The following CPPED1 variants were observed in gnomAD, a reference collection of about 807,000 sequenced individuals.
CPPED1 encodes serine/threonine-protein phosphatase CPPED1.
A neutral mutation model predicts 28.0 loss-of-function variants in CPPED1; 28 were observed. The observed-to-expected ratio is 1.00, with a 90% CI of 0.74 to 1.37. The LOEUF is 1.37. Ranked by LOEUF, CPPED1 falls within the 40% of genes most tolerant of loss-of-function variation. The probability of loss-of-function intolerance (pLI) is 0.00; values close to 1 mark genes in which losing one functional copy is unlikely to be tolerated. For missense variants in CPPED1, 504 were observed against 416.5 expected (o/e 1.21, Z -1.83); for synonymous variants, 198 against 180.2 (o/e 1.10, Z -0.79).
chr16:12,756,280 C>T (rs1222422755), intron 2 of CPPED1, among the ~76,000 whole-genome samples: 1 of 152,214 alleles, frequency 6.6e-6, no homozygotes, highest in Non-Finnish European at 1.5e-5. Context: ...AAATAAGAGT[C>T]TCAAACTGAA....
intron 2 of CPPED1, among the ~76,000 whole-genome samples, chr16:12,775,993 A>C (rs2080495328): frequency 6.6e-6 from 1 of 152,220 alleles, no homozygotes; most frequent in African/African-American, 2.4e-5. Context: ...AACTCCTGGA[A>C]CTTACAAATA....
At chr16:12,751,853 G>A (rs2080331600) in intron 2 of CPPED1, among the ~76,000 whole-genome samples, 1 of 152,108 alleles carries the variant, frequency 6.6e-6, no homozygotes, top group Admixed American at 6.6e-5. Context: ...CTAAGATGCT[G>A]AAACATTTAA....
At chr16:12,774,253 T>A (rs2080485120) in intron 2 of CPPED1, among the ~76,000 whole-genome samples, 1 of 152,040 alleles carries the variant, frequency 6.6e-6, no homozygotes, top group Admixed American at 6.6e-5. Context: ...GGCAATCACT[T>A]GAGGTCAGGA....
At chr16:12,674,927 C>T (rs1374006462) in intron 3 of CPPED1, among the ~76,000 whole-genome samples, 2 of 152,228 alleles carry the variant, frequency 1.3e-5, no homozygotes, top group East Asian at 3.9e-4. Context: ...CATCGCCCCA[C>T]CCAGGAGGCT....
At chr16:12,726,080 C>T (rs1412724988) in intron 2 of CPPED1, among the ~76,000 whole-genome samples, 2 of 152,012 alleles carry the variant, frequency 1.3e-5, no homozygotes, top group Admixed American at 1.3e-4. Context: ...CTCACTCTGT[C>T]GCCCAAGCTG....
intron 1 of CPPED1, among the ~76,000 whole-genome samples, chr16:12,794,445 G>T (rs1457187731): frequency 2.1e-5 from 3 of 145,630 alleles, no homozygotes; most frequent in African/African-American, 7.8e-5. Flanking sequence ...TGTCCTTCAG[G>T]ACCCTGTCCC....
At chr16:12,798,199 T>C (rs1047536248) in intron 1 of CPPED1, among the ~76,000 whole-genome samples, 3 of 152,228 alleles carry the variant, frequency 2.0e-5, no homozygotes, top group African/African-American at 4.8e-5. Flanking sequence ...TTTTTACATA[T>C]GTGTGCTGGT....
chr16:12,784,555 G>GAAAAA (rs11321564), intron 1 of CPPED1, among the ~76,000 whole-genome samples: 2 of 146,920 alleles, frequency 1.4e-5, no homozygotes, highest in Non-Finnish European at 1.5e-5. Flanking sequence ...ATTTTGTCAT[G>GAAAAA]AAAAAAAAAA....
At chr16:12,793,708 T>C (rs2080610061) in intron 1 of CPPED1, among the ~76,000 whole-genome samples, 1 of 152,202 alleles carries the variant, frequency 6.6e-6, no homozygotes, top group African/African-American at 2.4e-5. Context: ...ACCCTTATCT[T>C]AGCAGAGACA....
At position 12,709,668 on chromosome 16, in the gene CPPED1, C is replaced by G. The variant is rs116983625; in HGVS notation, c.290-4619G>C. 6.8e-3 allele frequency among the ~76,000 whole-genome samples: 1,030 copies of G among 152,234 alleles called. 16 individuals carry two copies. Among genetic ancestry groups the G allele is most frequent in the East Asian group, 0.057 (296 of 5,172 alleles). On this transcript the variant is annotated intron_variant, in intron 2 of 3. Transcript: ENST00000381774. This position sits in a 1 kb window ranked among gnomAD's most constrained non-coding sequence, Gnocchi z 4.4. ...CTTAAAATACATTGTCTAATAAAAT[C>G]TCTTTGTGAGTTAGGAAGAGAAATA...
intron 2 of CPPED1, among the ~76,000 whole-genome samples, chr16:12,721,856 T>A (rs1002836490): frequency 6.6e-6 from 1 of 152,188 alleles, no homozygotes; most frequent in African/African-American, 2.4e-5. Context: ...AAATAATTTT[T>A]AAAAACCAAC....
At chr16:12,686,438 C>T (rs952921276) in intron 3 of CPPED1, among the ~76,000 whole-genome samples, 1 of 152,156 alleles carries the variant, frequency 6.6e-6, no homozygotes, top group South Asian at 2.1e-4. Context: ...AGTTCCCCTG[C>T]TGTCCAAGAG....
intron 2 of CPPED1, among the ~76,000 whole-genome samples, chr16:12,773,517 G>C (rs900493556): frequency 2.0e-5 from 3 of 152,146 alleles, no homozygotes; most frequent in African/African-American, 4.8e-5. Flanking sequence ...CCAGCCAGGA[G>C]TTCAAGACCA....
chr16:12,770,654 C>G (rs983083640), intron 2 of CPPED1, among the ~76,000 whole-genome samples: 1 of 152,084 alleles, frequency 6.6e-6, no homozygotes, highest in Non-Finnish European at 1.5e-5. Flanking sequence ...AAAACTCTCT[C>G]TACTAAAAAT....
chr16:12,716,791 G>A (rs2141194890), intron 2 of CPPED1, among the ~76,000 whole-genome samples: 1 of 152,324 alleles, frequency 6.6e-6, no homozygotes, highest in South Asian at 2.1e-4. Context: ...TGTGTGCTAG[G>A]TAACAGCATG....
chr16:12,784,985 T>C (rs367623251), intron 1 of CPPED1, among the ~76,000 whole-genome samples: 1 of 152,212 alleles, frequency 6.6e-6, no homozygotes, highest in Admixed American at 6.5e-5. Flanking sequence ...ACAGCTCACA[T>C]ATCAGTATTC....
intron 2 of CPPED1, among the ~76,000 whole-genome samples, chr16:12,711,206 T>C (rs1255544834): frequency 6.6e-6 from 1 of 152,210 alleles, no homozygotes; most frequent in Non-Finnish European, 1.5e-5. Flanking sequence ...ACCTTTAGGA[T>C]ATATGCTAAG....
intron 2 of CPPED1, among the ~76,000 whole-genome samples, chr16:12,778,954 C>G (rs2080513739): frequency 6.6e-6 from 1 of 152,172 alleles, no homozygotes; most frequent in African/African-American, 2.4e-5. Context: ...TCTTGACCAA[C>G]TGGCGGGGCT....
chr16:12,683,504 G>A (rs996401907), intron 3 of CPPED1, among the ~76,000 whole-genome samples: 5 of 152,086 alleles, frequency 3.3e-5, no homozygotes, highest in African/African-American at 7.2e-5. Flanking sequence ...CCTAGGCTTC[G>A]TGGACCTCTC....
Sources: allele counts gnomAD v4.1 joint callset (sites outside exome capture counted in the v4.1 genomes callset), GRCh38; gene constraint gnomAD v4.1.1; non-coding constraint Gnocchi (gnomAD v3.1); transcripts MANE v1.5; gene names NCBI Gene and HGNC (gene_info 2026-07-23, HGNC 2026-07-21).